Variants in UBTD2 observed in about 807,000 individuals in gnomAD.
UBTD2 encodes ubiquitin domain containing 2.
A neutral mutation model predicts 19.8 loss-of-function variants in UBTD2; 9 were observed. The ratio of observed to expected loss-of-function variants is 0.46; its 90% CI spans 0.27 to 0.79. The LOEUF is 0.79. UBTD2 is among the 30% of genes least tolerant of loss of function. UBTD2 has a pLI of 0.14. For missense variants in UBTD2, 250 were observed against 300.4 expected, an observed-to-expected ratio of 0.83 and a Z score of 1.24; for synonymous variants, 98 against 103.9, an observed-to-expected ratio of 0.94 and a Z score of 0.35.
chr5:172,214,230 C>T (rs1771501858), intron 2 of UBTD2, among the ~76,000 whole-genome samples: 2 of 152,190 alleles, frequency 1.3e-5, no homozygotes, highest in Admixed American at 1.3e-4. Context: ...TATCAATGAA[C>T]AAATGAGTTA....
At chr5:172,220,008 C>T (rs1041839247) in intron 2 of UBTD2, among the ~76,000 whole-genome samples, 4 of 149,032 alleles carry the variant, frequency 2.7e-5, no homozygotes, top group Non-Finnish European at 4.4e-5. Context: ...CCAACATTAC[C>T]CTAATACCAA....
chr5:172,237,481 CTGTATTATAAACATAAT>C (rs1772036530), intron 1 of UBTD2, among the ~76,000 whole-genome samples: 2 of 152,126 alleles, frequency 1.3e-5, no homozygotes, highest in African/African-American at 4.8e-5. Context: ...CTATTTCTGC[CTGTATTATAAACATAAT>C]ATAGAATATC....
intron 1 of UBTD2, among the ~76,000 whole-genome samples, chr5:172,251,314 C>CAAAAAAAAAAAAAGAAAAAAAAAA (rs57577423): frequency 1.6e-4 from 19 of 118,214 alleles, no homozygotes; most frequent in African/African-American, 5.4e-4. Flanking sequence ...GAGCCTATCT[C>CAAAAAAAAAAAAAGAAAAAAAAAA]AAAAAAAAAA....
At chr5:172,212,644 G>A (rs141700407) in intron 2 of UBTD2, among the ~76,000 whole-genome samples, 144 of 152,276 alleles carry the variant, frequency 9.5e-4, no homozygotes, top group African/African-American at 3.3e-3. Flanking sequence ...CACCACAAGT[G>A]TTCCAGAGCA....
chr5:172,248,774 A>T (rs534892750), intron 1 of UBTD2, among the ~76,000 whole-genome samples: 2 of 151,872 alleles, frequency 1.3e-5, no homozygotes, highest in African/African-American at 4.8e-5. Flanking sequence ...AAAAAAAAAA[A>T]AATTAATTAA....
At chr5:172,218,564 C>G (rs1317118091) in intron 2 of UBTD2, among the ~76,000 whole-genome samples, 1 of 151,942 alleles carries the variant, frequency 6.6e-6, no homozygotes, top group Non-Finnish European at 1.5e-5. Context: ...AGGTAGATTG[C>G]TTGAGTCCAG....
chr5:172,245,067 G>A (rs139423466), intron 1 of UBTD2, among the ~76,000 whole-genome samples: 3,383 of 152,234 alleles, frequency 0.022, 106 homozygotes, highest in African/African-American at 0.077. Context: ...CAATAGTAGC[G>A]GTAGAGTGGA....
In UBTD2 at chr5:172,262,177, C is replaced by T. The variant is rs560278935; in HGVS notation, c.70+21419G>A. On this transcript the variant is annotated intron_variant, in intron 1 of 2. Coordinates refer to ENST00000393792, the MANE Select transcript of UBTD2 (RefSeq NM_152277.3). Reference sequence around the variant, plus strand: ...AGAATCAAGAAAATGTGGTCGGGAGCGGTGGCTCACATCTATAATCCCAGC... The same window carrying T: ...AGAATCAAGAAAATGTGGTCGGGAGTGGTGGCTCACATCTATAATCCCAGC... Among the ~76,000 whole-genome samples, 135 of 152,050 alleles carry T rather than the reference C, an allele frequency of 8.9e-4. 1 individual carries two copies. The highest frequency in any genetic ancestry group is 6.8e-3 in the Middle Eastern group (2 of 294).
chr5:172,255,315 T>C, intron 1 of UBTD2: 1 of 456,114 alleles, frequency 2.2e-6, no homozygotes, highest in Non-Finnish European at 4.4e-6. Flanking sequence ...CAGGCAATTG[T>C]GTGGAGTAGA....
chr5:172,219,849 C>A (rs371564142), intron 2 of UBTD2, among the ~76,000 whole-genome samples: 1 of 152,116 alleles, frequency 6.6e-6, no homozygotes, highest in East Asian at 1.9e-4. Flanking sequence ...GGGTGGAAGA[C>A]AAGAAAAGAA....
chr5:172,236,476 G>A (rs1414533731), intron 1 of UBTD2, among the ~76,000 whole-genome samples: 1 of 152,178 alleles, frequency 6.6e-6, no homozygotes, highest in East Asian at 1.9e-4. Context: ...TACAGACAAT[G>A]CAGCTAGAGC....
chr5:172,281,148 G>A (rs1033064353), intron 1 of UBTD2, among the ~76,000 whole-genome samples: 12 of 151,954 alleles, frequency 7.9e-5, no homozygotes, highest in Non-Finnish European at 1.5e-4. Context: ...CAATCCTCTC[G>A]CCTCATCATC....
At chr5:172,226,370 T>C (rs1771766042) in intron 2 of UBTD2, among the ~76,000 whole-genome samples, 1 of 152,190 alleles carries the variant, frequency 6.6e-6, no homozygotes, top group South Asian at 2.1e-4. Flanking sequence ...AATTAGACCC[T>C]GATTTTGGAT....
chr5:172,247,725 C>T (rs1446438149), intron 1 of UBTD2, among the ~76,000 whole-genome samples: 4 of 152,166 alleles, frequency 2.6e-5, no homozygotes, highest in Non-Finnish European at 5.9e-5. Flanking sequence ...TACAGTTCTA[C>T]AAACAATACT....
chr5:172,279,883 C>T (rs1386850141), intron 1 of UBTD2, among the ~76,000 whole-genome samples: 1 of 152,176 alleles, frequency 6.6e-6, no homozygotes, highest in Non-Finnish European at 1.5e-5. Context: ...AGGTGGCTCA[C>T]GTGAAGTCAG....
At chr5:172,253,081 G>A (rs1201771291) in intron 1 of UBTD2, among the ~76,000 whole-genome samples, 5 of 152,140 alleles carry the variant, frequency 3.3e-5, no homozygotes, top group Non-Finnish European at 5.9e-5. Context: ...CCAGGCTGGA[G>A]TGTAGTGGCA....
intron 1 of UBTD2, among the ~76,000 whole-genome samples, chr5:172,270,241 C>A (rs1277318271): frequency 6.6e-6 from 1 of 151,202 alleles, no homozygotes; most frequent in South Asian, 2.1e-4. Context: ...TACCACCTGG[C>A]CTGCCTAATT....
At chr5:172,270,528 T>C (rs1289031569) in intron 1 of UBTD2, among the ~76,000 whole-genome samples, 1 of 151,852 alleles carries the variant, frequency 6.6e-6, no homozygotes, top group Non-Finnish European at 1.5e-5. Context: ...GCTAATTTTT[T>C]TGTATTTTAG....
intron 1 of UBTD2, among the ~76,000 whole-genome samples, chr5:172,251,086 G>A (rs984865317): frequency 7.2e-5 from 11 of 151,860 alleles, no homozygotes; most frequent in South Asian, 2.1e-4. Context: ...AGGCCGAGGC[G>A]GGCGGATCAC....
Sources: allele counts gnomAD v4.1 joint callset (sites outside exome capture counted in the v4.1 genomes callset), GRCh38; gene constraint gnomAD v4.1.1; transcripts MANE v1.5; gene names NCBI Gene and HGNC (gene_info 2026-07-23, HGNC 2026-07-21).